The following STAG1 variants were observed in gnomAD, a reference collection of about 807,000 sequenced individuals.
STAG1 encodes the protein cohesin subunit SA-1.
STAG1 carries 26 observed loss-of-function variants against 170.9 expected under a neutral mutation model. The observed-to-expected ratio is 0.15, with a 90% CI of 0.11 to 0.21. STAG1 has a LOEUF of 0.21. Among genes scored for constraint, STAG1 ranks in the 10% least tolerant of loss-of-function variants. The pLI is 1.00. For synonymous variants in STAG1, 514 were observed against 497.7 expected (o/e 1.03, Z -0.44); for missense variants, 964 against 1,509.5 (o/e 0.64, Z 5.99).
intron 6 of STAG1, among the ~76,000 whole-genome samples, chr3:136,528,093 C>A (rs1490906866): frequency 1.3e-5 from 2 of 152,124 alleles, no homozygotes; most frequent in Non-Finnish European, 2.9e-5. Flanking sequence ...GCTGGGAGAA[C>A]CACTAATCTC....
chr3:136,619,118 C>T (rs1939728756), intron 3 of STAG1, among the ~76,000 whole-genome samples: 2 of 151,814 alleles, frequency 1.3e-5, no homozygotes, highest in Admixed American at 6.6e-5. Context: ...GGACAATGTG[C>T]ATGAAGGACA....
At chr3:136,708,671 C>G (rs1361037266) in intron 1 of STAG1, among the ~76,000 whole-genome samples, 1 of 152,118 alleles carries the variant, frequency 6.6e-6, no homozygotes. Context: ...TATGAAGTAT[C>G]AAACACTAAT....
intron 29 of STAG1, among the ~76,000 whole-genome samples, chr3:136,346,679 T>C (rs1258593137): frequency 1.3e-5 from 2 of 152,262 alleles, no homozygotes; most frequent in Non-Finnish European, 2.9e-5. Context: ...TCATTCGCTA[T>C]GTGCCAGAGA....
chr3:136,699,358 T>C (rs1168089055), intron 1 of STAG1, among the ~76,000 whole-genome samples: 4 of 152,190 alleles, frequency 2.6e-5, no homozygotes, highest in African/African-American at 9.6e-5. Context: ...TCAAATATTA[T>C]TACTATCTCT....
intron 1 of STAG1, among the ~76,000 whole-genome samples, chr3:136,692,228 C>A (rs781202613): frequency 2.8e-5 from 4 of 143,642 alleles, no homozygotes; most frequent in Non-Finnish European, 4.5e-5. Context: ...GCAGGAGAAT[C>A]GCTTAAAATC....
intron 1 of STAG1, among the ~76,000 whole-genome samples, chr3:136,658,249 AC>A (rs1030898412): frequency 6.6e-6 from 1 of 152,086 alleles, no homozygotes; most frequent in African/African-American, 2.4e-5. Flanking sequence ...TAACGAACTT[AC>A]AGATTTTGGT....
chr3:136,520,732 T>C (rs1934628582), intron 7 of STAG1, among the ~76,000 whole-genome samples: 1 of 152,160 alleles, frequency 6.6e-6, no homozygotes, highest in Non-Finnish European at 1.5e-5. Context: ...TATTTGAGTA[T>C]GTTTAAGTTA....
intron 12 of STAG1, 48 bp downstream of exon 12, chr3:136,472,365 A>G: frequency 1.5e-6 from 2 of 1,366,324 alleles, no homozygotes; most frequent in Non-Finnish European, 2.1e-6. Flanking sequence ...CCTGGGGAAA[A>G]GGTATTAAAA....
chr3:136,533,234 ACT>A (rs1485943990), intron 6 of STAG1, among the ~76,000 whole-genome samples: 3 of 152,154 alleles, frequency 2.0e-5, no homozygotes, highest in Non-Finnish European at 4.4e-5. Flanking sequence ...ACTACAAAAG[ACT>A]GATGAAAGAA....
intron 1 of STAG1, among the ~76,000 whole-genome samples, chr3:136,682,408 G>A (rs1942364978): frequency 6.6e-6 from 1 of 150,614 alleles, no homozygotes; most frequent in Admixed American, 6.6e-5. Context: ...CTGGGCAACA[G>A]AGTGGGACTC....
At chr3:136,418,154 G>A (rs985542177) in intron 20 of STAG1, among the ~76,000 whole-genome samples, 182 bp from the exon 21 acceptor site, 2 of 151,920 alleles carry the variant, frequency 1.3e-5, no homozygotes, top group Non-Finnish European at 2.9e-5. Flanking sequence ...AGGAGTTCGA[G>A]ACCAGCCTGG....
chr3:136,454,838 T>G (rs1176113737), intron 13 of STAG1, among the ~76,000 whole-genome samples: 1 of 152,224 alleles, frequency 6.6e-6, no homozygotes, highest in Non-Finnish European at 1.5e-5. Context: ...ATATTGTGAA[T>G]AGCTTATGAC....
chr3:136,526,310 T>C (rs917125214), intron 6 of STAG1, among the ~76,000 whole-genome samples: 2 of 152,232 alleles, frequency 1.3e-5, no homozygotes, highest in Non-Finnish European at 2.9e-5. Flanking sequence ...TTAGGATAGT[T>C]AGCTCTTCTT....
At chr3:136,533,138 A>C (rs1025938567) in intron 6 of STAG1, among the ~76,000 whole-genome samples, 1 of 152,200 alleles carries the variant, frequency 6.6e-6, no homozygotes, top group Non-Finnish European at 1.5e-5. Flanking sequence ...TAAAAAAATC[A>C]AGATGGCAAT....
intron 1 of STAG1, among the ~76,000 whole-genome samples, chr3:136,739,335 G>A (rs1236559817): frequency 7.9e-5 from 12 of 151,842 alleles, no homozygotes; most frequent in Admixed American, 7.9e-4. Context: ...TTGGCAACAT[G>A]GTGAGACCCT....
intron 13 of STAG1, among the ~76,000 whole-genome samples, chr3:136,454,470 CT>C (rs1185420921): frequency 6.6e-6 from 1 of 152,106 alleles, no homozygotes; most frequent in Non-Finnish European, 1.5e-5. Flanking sequence ...CCTCCGCCTC[CT>C]GGGCTCAAGA....
intron 9 of STAG1, among the ~76,000 whole-genome samples, chr3:136,496,841 A>C (rs187414723): frequency 1.9e-3 from 286 of 152,256 alleles, no homozygotes; most frequent in Non-Finnish European, 3.0e-3. Context: ...ATATAAAATA[A>C]GATAAAATAG....
At chr3:136,342,574 C>T (rs759214606) in intron 30 of STAG1, among the ~76,000 whole-genome samples, 1 of 152,242 alleles carries the variant, frequency 6.6e-6, no homozygotes, top group African/African-American at 2.4e-5. Flanking sequence ...CTCTGCCTCC[C>T]GAGTTCAAGC....
At chr3:136,384,407 A>T (rs576111631) in intron 22 of STAG1, among the ~76,000 whole-genome samples, 2 of 150,990 alleles carry the variant, frequency 1.3e-5, no homozygotes, top group African/African-American at 4.9e-5. Context: ...CAAAGACTGC[A>T]CCATTGCACT....
Sources: allele counts gnomAD v4.1 joint callset (sites outside exome capture counted in the v4.1 genomes callset), GRCh38; gene constraint gnomAD v4.1.1; transcripts MANE v1.5; gene names NCBI Gene and HGNC (gene_info 2026-07-23, HGNC 2026-07-21).